Variants in XPO7 observed in about 807,000 individuals in gnomAD.
XPO7 encodes the protein exportin 7.
Under a neutral mutation model 144.3 loss-of-function variants are expected in XPO7, and 21 were observed. The ratio of observed to expected loss-of-function variants is 0.15; its 90% CI spans 0.10 to 0.21. XPO7 has a LOEUF of 0.21. Ranked by LOEUF, XPO7 falls within the 10% of genes least tolerant of loss-of-function variation. The probability of loss-of-function intolerance (pLI) is 1.00; values close to 1 mark genes in which losing one functional copy is unlikely to be tolerated. For synonymous variants in XPO7, 580 were observed against 499.6 expected, an observed-to-expected ratio of 1.16 and a Z score of -2.15; for missense variants, 808 against 1,325.8, an observed-to-expected ratio of 0.61 and a Z score of 6.06.
chr8:21,979,308 G>T lies in XPO7; in HGVS notation c.838-776G>T, dbSNP rs541730379. Among the ~76,000 whole-genome samples the T allele has an allele frequency of 5.3e-5, 8 of 151,916 alleles. No individual in the cohort carries two copies. The South Asian group carries it at 1.7e-3, about 32-fold the overall frequency. Reference sequence around the variant, plus strand: ...GATCTGCCTGTTTCAGCCTCCCAAAGTGCTGGGATTACGGGCGTGAGCCAC... The same window carrying T: ...GATCTGCCTGTTTCAGCCTCCCAAATTGCTGGGATTACGGGCGTGAGCCAC... On this transcript the variant is annotated intron_variant, in intron 8 of 27. Transcript: ENST00000252512.
Position 22,005,233 on chromosome 8 carries a change from C to A in XPO7, c.*145C>A, listed in dbSNP as rs1813287324. On this transcript the variant is annotated 3_prime_UTR_variant, in exon 28 of 28. Coordinates refer to ENST00000252512, the MANE Select transcript of XPO7 (RefSeq NM_015024.5). ...AATGGCAAAGGTCAACTAGCTGCTT[C>A]CCCAGGGAATAGGGGTGTGAGTACA... The A allele has an allele frequency of 3.4e-6, 2 of 581,044 alleles. No individual in the cohort carries two copies. The highest frequency in any genetic ancestry group is 5.8e-6 in the Non-Finnish European group (2 of 342,810). The allele number at this position is 581,044 out of a possible 1,614,324, so 36.0% of individuals were successfully genotyped here. A position where few individuals can be genotyped will look rare whatever the true frequency, so the allele number is the denominator to read the frequency against.
At chr8:21,969,705 C>A in intron 3 of XPO7, 129 bp downstream of exon 3, 1 of 959,982 alleles carries the variant, frequency 1.0e-6, no homozygotes, top group Non-Finnish European at 1.5e-6. Context: ...GTCTAGAATC[C>A]AGTTCGTTTC....
chr8:21,968,988 G>A (rs1319034107), intron 2 of XPO7, among the ~76,000 whole-genome samples: 3 of 152,154 alleles, frequency 2.0e-5, no homozygotes, highest in Non-Finnish European at 2.9e-5. Context: ...TGATAGCTGC[G>A]CTGATGGAAA....
chr8:21,925,720 C>G (rs1810437635), intron 1 of XPO7, among the ~76,000 whole-genome samples: 1 of 152,102 alleles, frequency 6.6e-6, no homozygotes, highest in South Asian at 2.1e-4. Context: ...CTGTGAAGTC[C>G]CTTGTACTTC....
At chr8:21,929,884 G>T (rs1178730837) in intron 1 of XPO7, among the ~76,000 whole-genome samples, 1 of 151,896 alleles carries the variant, frequency 6.6e-6, no homozygotes, top group Middle Eastern at 3.2e-3. Flanking sequence ...CATTCTCTTT[G>T]GCAAAAATAT....
At chr8:21,941,816 C>G (rs1466175610) in intron 1 of XPO7, among the ~76,000 whole-genome samples, 2 of 152,198 alleles carry the variant, frequency 1.3e-5, no homozygotes, top group Non-Finnish European at 2.9e-5. Context: ...CTAGCTGGGA[C>G]TACTGGCGCA....
intron 2 of XPO7, 63 bp from the exon 3 acceptor site, chr8:21,969,420 T>TA (rs1811982092): frequency 7.0e-7 from 1 of 1,424,220 alleles, no homozygotes; most frequent in Non-Finnish European, 9.7e-7. Flanking sequence ...ATCTCCAAGT[T>TA]AAAAACCTTG....
chr8:21,995,693 T>G, intron 21 of XPO7, 94 bp downstream of exon 21: 1 of 932,530 alleles, frequency 1.1e-6, no homozygotes, highest in South Asian at 2.0e-5. Context: ...TGGGAAATAA[T>G]AAGATTCACT....
intron 25 of XPO7, among the ~76,000 whole-genome samples, chr8:22,002,641 T>C (rs1468106431): frequency 6.6e-6 from 1 of 151,922 alleles, no homozygotes; most frequent in Non-Finnish European, 1.5e-5. Flanking sequence ...GGAAGAAGAA[T>C]GCAAGACAGA....
chr8:22,000,857 A>AT (rs1221640455), intron 24 of XPO7, among the ~76,000 whole-genome samples: 7 of 152,170 alleles, frequency 4.6e-5, no homozygotes, highest in African/African-American at 1.2e-4. Flanking sequence ...AATAGTGATG[A>AT]TATGTTGCAA....
chr8:21,999,766 A>G, intron 24 of XPO7, 92 bp downstream of exon 24: 8 of 1,511,540 alleles, frequency 5.3e-6, no homozygotes, highest in Non-Finnish European at 7.2e-6. Context: ...GTGTCCAAAA[A>G]GATCACCACT....
At chr8:21,954,774 ACT>A (rs1307402831) in intron 1 of XPO7, among the ~76,000 whole-genome samples, 2 of 152,066 alleles carry the variant, frequency 1.3e-5, no homozygotes, top group Non-Finnish European at 2.9e-5. Context: ...AGTTTATACA[ACT>A]CTTTCTCATA....
rs4357287 is a variant in XPO7 at position 21,919,805 on chromosome 8, G to A, written c.18+17G>A. On this transcript the variant is annotated intron_variant, in intron 1 of 27. Coordinates refer to ENST00000252512, the MANE Select transcript of XPO7 (RefSeq NM_015024.5). Reference sequence around the variant, plus strand: ...CATGTGCAGGTGAGAGGAGCCGCGGGGGGGAGGGGGCGACCACGAAGAGCG... The same window carrying A: ...CATGTGCAGGTGAGAGGAGCCGCGGAGGGGAGGGGGCGACCACGAAGAGCG... The A allele has an allele frequency of 0.04, 19,538 of 488,188 alleles. 697 individuals are homozygous for A. The highest frequency in any genetic ancestry group is 0.073 in the Middle Eastern group (101 of 1,378). The allele number at this position is 488,188 out of a possible 1,614,324, so 30.2% of individuals were successfully genotyped here. A position where few individuals can be genotyped will look rare whatever the true frequency, so the allele number is the denominator to read the frequency against.
chr8:21,991,907 T>A lies in XPO7; in HGVS notation c.2081T>A (p.Leu694His). 1 of 1,613,530 alleles carries A rather than the reference T, an allele frequency of 6.2e-7. No individual in the cohort carries two copies. The highest frequency in any genetic ancestry group is 8.5e-7 in the Non-Finnish European group (1 of 1,179,780). ...CAGTATGAGCAGTTCATGCTGCCAC[T>A]CACAGCAGCATTTGAGGCTGTGGCC... Reference protein sequence around the residue: ...EDQYEQFMLPLTAAFEAVAQM... With the variant: ...EDQYEQFMLPHTAAFEAVAQM... The change falls in exon 19 of 28, where the codon CTC (leucine) becomes CAC (histidine). Residue 694 changes from leucine to histidine, a missense_variant. Around this residue, in one of 5 missense-constraint regions of XPO7, gnomAD observed 416 missense variants for 612.5 expected, o/e 0.68. Coordinates refer to ENST00000252512, the MANE Select transcript of XPO7 (RefSeq NM_015024.5).
intron 1 of XPO7, among the ~76,000 whole-genome samples, chr8:21,966,557 T>C (rs1421128219): frequency 1.3e-5 from 2 of 152,208 alleles, no homozygotes; most frequent in Non-Finnish European, 2.9e-5. Context: ...CAAAGCCTTT[T>C]AGGAAAGCTT....
chr8:21,938,775 C>A (rs560336397), intron 1 of XPO7, among the ~76,000 whole-genome samples: 2 of 151,516 alleles, frequency 1.3e-5, no homozygotes, highest in Non-Finnish European at 2.9e-5. Flanking sequence ...GAAAATACAT[C>A]ATTAAAAAAA....
chr8:21,967,474 G>A (rs1256743394), intron 2 of XPO7, among the ~76,000 whole-genome samples: 1 of 152,120 alleles, frequency 6.6e-6, no homozygotes, highest in East Asian at 1.9e-4. Context: ...GGGATCACAG[G>A]CATGCACCAC....
intron 1 of XPO7, among the ~76,000 whole-genome samples, chr8:21,955,515 C>A (rs1378041818): frequency 6.6e-6 from 1 of 152,124 alleles, no homozygotes; most frequent in Admixed American, 6.5e-5. Flanking sequence ...GCAGTGGTGG[C>A]AGGGATCTTG....
At chr8:22,003,040 T>A (rs1813206193) in intron 25 of XPO7, 179 bp from the exon 26 acceptor site, 2 of 453,744 alleles carry the variant, frequency 4.4e-6, no homozygotes. Context: ...ATGAATATCT[T>A]AGAAGAAAAG....
Sources: allele counts gnomAD v4.1 joint callset (sites outside exome capture counted in the v4.1 genomes callset), GRCh38; gene constraint gnomAD v4.1.1; regional missense constraint gnomAD v4.1.1; transcripts MANE v1.5; gene names NCBI Gene and HGNC (gene_info 2026-07-23, HGNC 2026-07-21).